ZNF83: variants seen among roughly 807,000 people sequenced by gnomAD.
ZNF83 encodes the protein zinc finger protein 816B.
For missense variants in ZNF83, 552 were observed against 629.9 expected (o/e 0.88, Z 1.32); for synonymous variants, 209 against 213.0 (o/e 0.98, Z 0.17).
At chr19:52,634,278 A>C (rs368055818) in intron 2 of ZNF83, among the ~76,000 whole-genome samples, 2 of 99,728 alleles carry the variant, frequency 2.0e-5, no homozygotes, top group African/African-American at 7.7e-5. Context: ...TCTCAAAGCA[A>C]CAACAATAAT....
chr19:52,661,268 G>C (rs2061576536), intron 1 of ZNF83, among the ~76,000 whole-genome samples: 1 of 152,184 alleles, frequency 6.6e-6, no homozygotes, highest in Non-Finnish European at 1.5e-5. Flanking sequence ...CTGCACCAGA[G>C]ATCATGCAGA....
intron 2 of ZNF83, among the ~76,000 whole-genome samples, chr19:52,629,549 G>A (rs577310770): frequency 3.0e-4 from 46 of 152,156 alleles, no homozygotes; most frequent in South Asian, 8.3e-4. Flanking sequence ...CACCCGGTCC[G>A]GCTTACAGTT....
chr19:52,660,035 CA>C (rs1568569468), intron 2 of ZNF83, among the ~76,000 whole-genome samples: 1 of 151,882 alleles, frequency 6.6e-6, no homozygotes, highest in Non-Finnish European at 1.5e-5. Flanking sequence ...ACTAAAAATA[CA>C]AAAAATTAGC....
chr19:52,628,872 A>G (rs1275640630), intron 2 of ZNF83, among the ~76,000 whole-genome samples: 3 of 150,312 alleles, frequency 2.0e-5, no homozygotes, highest in Non-Finnish European at 1.5e-5. Context: ...CTGTGCCCCA[A>G]CCTCTTATAT....
chr19:52,640,763 AAGGCGC>A (rs2061292382), upstream of ZNF83, among the ~76,000 whole-genome samples: 6 of 152,144 alleles, frequency 3.9e-5, no homozygotes, highest in African/African-American at 1.4e-4. Flanking sequence ...CTGCTCAAAC[AAGGCGC>A]TTTGCATTAA....
At chr19:52,618,744 T>A in intron 2 of ZNF83, 1 of 1,077,026 alleles carries the variant, frequency 9.3e-7, no homozygotes, top group Non-Finnish European at 1.3e-6. Flanking sequence ...CCCACTGAGC[T>A]ATCATGAAGA....
exon 3 of ZNF83, chr19:52,613,864 T>C: frequency 6.2e-7 from 1 of 1,614,194 alleles, no homozygotes; most frequent in Non-Finnish European, 8.5e-7. Context: ...TTTGTTACAT[T>C]CGTAAGGTTT....
chr19:52,631,938 C>A (rs577104367), intron 2 of ZNF83, among the ~76,000 whole-genome samples: 8 of 146,368 alleles, frequency 5.5e-5, no homozygotes, highest in Non-Finnish European at 1.2e-4. Context: ...TATTCAGGCC[C>A]CCCTCCCTTC....
chr19:52,619,202 A>G (rs561713892), intron 2 of ZNF83: 2 of 1,588,158 alleles, frequency 1.3e-6, no homozygotes, highest in African/African-American at 1.4e-5. Flanking sequence ...TCACCACATG[A>G]TGTCTTCCCA....
intron 1 of ZNF83, among the ~76,000 whole-genome samples, chr19:52,683,648 C>T (rs1261875823): frequency 6.6e-6 from 1 of 152,182 alleles, no homozygotes; most frequent in Non-Finnish European, 1.5e-5. Context: ...TGCCTCAGGA[C>T]TGGCTGAAGA....
chr19:52,681,280 CAAAA>C (rs56916405), intron 1 of ZNF83, among the ~76,000 whole-genome samples: 59 of 75,434 alleles, frequency 7.8e-4, no homozygotes, highest in African/African-American at 1.4e-3. Flanking sequence ...GAGACTTTCT[CAAAA>C]AAAAAAAAAA....
intron 1 of ZNF83, among the ~76,000 whole-genome samples, chr19:52,683,955 C>A (rs778729100): frequency 6.6e-6 from 1 of 152,052 alleles, no homozygotes; most frequent in Non-Finnish European, 1.5e-5. Flanking sequence ...TGTTTCTGGG[C>A]GGGCACAGTG....
In ZNF83 at chr19:52,658,358, A is replaced by AACTG. The variant is rs2061534604; in HGVS notation, c.-201+2403_-201+2404insCAGT. Among the ~76,000 whole-genome samples the AACTG allele has an allele frequency of 2.0e-5, 3 of 152,054 alleles. No homozygotes were observed. In the South Asian group the frequency reaches 6.2e-4, roughly 32 times the overall value. ...GGGTGTGGGGATCACCTGAGGTCAG[A>AACTG]AGTTCATGACCGGCCTGGCCAACAT... On this transcript the variant is annotated intron_variant, in intron 2 of 5. Coordinates refer to the ZNF83 transcript ENST00000594682.
intron 2 of ZNF83, among the ~76,000 whole-genome samples, chr19:52,619,330 A>T (rs1568533675): frequency 6.6e-6 from 1 of 152,168 alleles, no homozygotes; most frequent in Admixed American, 6.5e-5. Flanking sequence ...CCATTATAGA[A>T]ATGTTAGAAA....
intron 1 of ZNF83, among the ~76,000 whole-genome samples, chr19:52,681,694 ACC>A (rs2061923822): frequency 6.6e-6 from 1 of 152,196 alleles, no homozygotes; most frequent in African/African-American, 2.4e-5. Flanking sequence ...TTTGAATATA[ACC>A]ACCTAAGTAA....
At chr19:52,683,697 A>G (rs1051401877) in intron 1 of ZNF83, among the ~76,000 whole-genome samples, 2 of 152,172 alleles carry the variant, frequency 1.3e-5, no homozygotes, top group African/African-American at 4.8e-5. Context: ...GACCTTAGAG[A>G]GGCCTTCTCC....
At chr19:52,659,215 G>A (rs1371715331) in intron 2 of ZNF83, among the ~76,000 whole-genome samples, 1 of 152,014 alleles carries the variant, frequency 6.6e-6, no homozygotes, top group Admixed American at 6.6e-5. Flanking sequence ...ACCTGTGAAG[G>A]AAGCGTGAGG....
chr19:52,625,791 A>G (rs529680243), intron 2 of ZNF83, among the ~76,000 whole-genome samples: 18 of 152,202 alleles, frequency 1.2e-4, no homozygotes, highest in South Asian at 2.1e-4. Flanking sequence ...TAGACACTCA[A>G]TGCTTTCTCA....
chr19:52,667,951 T>C (rs2061676756), intron 1 of ZNF83, among the ~76,000 whole-genome samples: 1 of 152,112 alleles, frequency 6.6e-6, no homozygotes, highest in Non-Finnish European at 1.5e-5. Flanking sequence ...CTTTCTTTGG[T>C]CTAAAAACTA....
Sources: allele counts gnomAD v4.1 joint callset (sites outside exome capture counted in the v4.1 genomes callset), GRCh38; gene constraint gnomAD v4.1.1; transcripts MANE v1.5; gene names NCBI Gene and HGNC (gene_info 2026-07-23, HGNC 2026-07-21).